The following SLC38A9 variants were observed in gnomAD, a reference collection of about 807,000 sequenced individuals.
SLC38A9 encodes the protein neutral amino acid transporter 9.
Under a neutral mutation model 62.3 loss-of-function variants are expected in SLC38A9, and 48 were observed. The observed-to-expected ratio is 0.77, with a 90% confidence interval of 0.61 to 0.98. The LOEUF is 0.98. SLC38A9 is among the 50% of genes least tolerant of loss of function. The probability of loss-of-function intolerance (pLI) is 0.00; values close to 1 mark genes in which losing one functional copy is unlikely to be tolerated. For synonymous variants in SLC38A9, 204 were observed against 227.7 expected, an observed-to-expected ratio of 0.90 and a Z score of 0.94; for missense variants, 541 against 679.8, an observed-to-expected ratio of 0.80 and a Z score of 2.27.
chr5:55,651,248 C>CTT (rs1157691760), intron 10 of SLC38A9, among the ~76,000 whole-genome samples: 1,291 of 117,590 alleles, frequency 0.011, 34 homozygotes, highest in African/African-American at 0.036. Flanking sequence ...CTTTTGCCAT[C>CTT]TTTTTTTTTT....
intron 2 of SLC38A9, among the ~76,000 whole-genome samples, chr5:55,706,621 A>T (rs774963868): frequency 1.3e-5 from 2 of 152,212 alleles, no homozygotes; most frequent in Non-Finnish European, 2.9e-5. Flanking sequence ...ATAAGTAGAA[A>T]ACTGATGATT....
intron 3 of SLC38A9, among the ~76,000 whole-genome samples, chr5:55,676,357 T>C (rs13165503): frequency 0.6 from 90,556 of 151,468 alleles, 27,626 homozygotes; most frequent in South Asian, 0.7. Context: ...AAAAAATTTT[T>C]TTATAGAGAC....
intron 8 of SLC38A9, among the ~76,000 whole-genome samples, chr5:55,658,675 T>C (rs552937887): frequency 6.6e-6 from 1 of 152,294 alleles, no homozygotes; most frequent in East Asian, 1.9e-4. Flanking sequence ...CTAGTCTCCA[T>C]AGTTATGAAA....
chr5:55,645,060 T>G (rs1396195703), intron 12 of SLC38A9, among the ~76,000 whole-genome samples: 5 of 152,194 alleles, frequency 3.3e-5, no homozygotes, highest in Non-Finnish European at 5.9e-5. Context: ...TCATTTTTTA[T>G]CAGCCGCATT....
In SLC38A9 at chr5:55,664,828, C is replaced by T; in HGVS notation, c.562G>A (p.Val188Ile). The T allele has an allele frequency of 6.4e-7, 1 of 1,563,844 alleles. No individual in the cohort carries two copies. The highest frequency in any genetic ancestry group is 8.6e-7 in the Non-Finnish European group (1 of 1,159,560). ...LDTTSWEYPD[V>I]CRHYFGSFGQ... ...AAGGAGCCGAAATAATGTCTGCAGACATCTGGATATTCCCAGCTAGTGGTA... is the reference window on the plus strand; with the variant it reads ...AAGGAGCCGAAATAATGTCTGCAGATATCTGGATATTCCCAGCTAGTGGTA... Residue 188 changes from valine (V) to isoleucine (I), a missense_variant, in exon 8 of 16, where the codon GTC (valine) becomes ATC (isoleucine). Physicochemically the swap from Val to Ile is conservative, Grantham distance 29 (BLOSUM62 3). Coordinates refer to ENST00000396865, the MANE Select transcript of SLC38A9 (RefSeq NM_173514.4).
intron 9 of SLC38A9, among the ~76,000 whole-genome samples, chr5:55,654,915 G>A (rs1748130967): frequency 6.6e-6 from 1 of 152,000 alleles, no homozygotes; most frequent in Non-Finnish European, 1.5e-5. Context: ...ATGGCTCACT[G>A]TAGCCTCAAC....
intron 1 of SLC38A9, 141 bp downstream of exon 1, chr5:55,712,076 A>C (rs560369135): frequency 3.9e-5 from 6 of 152,332 alleles, no homozygotes; most frequent in African/African-American, 1.4e-4. Context: ...CCAAAAGAAG[A>C]GACGGTTCCG....
At chr5:55,697,401 T>C (rs1756036337) in intron 3 of SLC38A9, among the ~76,000 whole-genome samples, 1 of 152,206 alleles carries the variant, frequency 6.6e-6, no homozygotes, top group South Asian at 2.1e-4. Context: ...AATTTTTTTG[T>C]GGATTCTTTT....
At chr5:55,635,862 T>A (rs73119750) in intron 12 of SLC38A9, among the ~76,000 whole-genome samples, 7,483 of 152,202 alleles carry the variant, frequency 0.049, 318 homozygotes, top group African/African-American at 0.11. Context: ...CAATTTTTTT[T>A]AAAAAAGTAC....
intron 12 of SLC38A9, among the ~76,000 whole-genome samples, chr5:55,643,247 A>G (rs1745728451): frequency 6.6e-6 from 1 of 152,176 alleles, no homozygotes; most frequent in African/African-American, 2.4e-5. Flanking sequence ...CTTTAAGTAA[A>G]CTCAAAGTAG....
At chr5:55,690,226 A>G (rs367828850) in intron 3 of SLC38A9, among the ~76,000 whole-genome samples, 22 of 152,246 alleles carry the variant, frequency 1.4e-4, no homozygotes, top group African/African-American at 5.1e-4. Flanking sequence ...TCCCGGCCTC[A>G]AGCAATACAC....
chr5:55,633,924 G>A, intron 13 of SLC38A9, 22 bp from the exon 14 acceptor site: 1 of 1,565,072 alleles, frequency 6.4e-7, no homozygotes, highest in Non-Finnish European at 8.7e-7. Flanking sequence ...AAGATAATGA[G>A]GTCATGTTAA....
chr5:55,645,969 A>G (rs1254697110), intron 11 of SLC38A9, 74 bp from the exon 12 acceptor site: 1 of 911,458 alleles, frequency 1.1e-6, no homozygotes, highest in Non-Finnish European at 1.7e-6. Context: ...AAAGTTGACT[A>G]CTAAAAATCA....
At chr5:55,639,666 T>C (rs73123895) in intron 12 of SLC38A9, among the ~76,000 whole-genome samples, 1 of 152,088 alleles carries the variant, frequency 6.6e-6, no homozygotes, top group African/African-American at 2.4e-5. Context: ...GAAACTTGCT[T>C]AAAGGTATAA....
At chr5:55,678,474 A>G (rs940579602) in intron 3 of SLC38A9, among the ~76,000 whole-genome samples, 4 of 151,798 alleles carry the variant, frequency 2.6e-5, no homozygotes, top group African/African-American at 9.7e-5. Flanking sequence ...TATTAAATCA[A>G]TGAAAACACT....
chr5:55,669,973 T>G lies in SLC38A9; in HGVS notation c.247-94A>C, dbSNP rs974965684. The G allele has an allele frequency of 8.9e-6, 11 of 1,234,038 alleles. 1 individual carries two copies. In the South Asian group the frequency reaches 1.2e-4, roughly 14 times the overall value. 76.4% of individuals were successfully genotyped at this position (1,234,038 alleles called of 1,614,324 possible). ...AGAACACCTGACTCTAGACACCTTTTTTTTTCTTTTGAACGGAGTCTCGCC... is the reference window on the plus strand; with the variant it reads ...AGAACACCTGACTCTAGACACCTTTGTTTTTCTTTTGAACGGAGTCTCGCC... On this transcript the variant is annotated intron_variant, in intron 4 of 15. Transcript: ENST00000396865.
At chr5:55,666,124 CAT>C (rs959603207) in intron 7 of SLC38A9, among the ~76,000 whole-genome samples, 15 of 151,948 alleles carry the variant, frequency 9.9e-5, no homozygotes, top group African/African-American at 3.6e-4. Context: ...AGAAACATAA[CAT>C]GTACTAAAAA....
At chr5:55,668,444 G>A (rs973258345) in intron 7 of SLC38A9, among the ~76,000 whole-genome samples, 4 of 152,042 alleles carry the variant, frequency 2.6e-5, no homozygotes, top group African/African-American at 9.7e-5. Flanking sequence ...CAGTGCCAAG[G>A]CTGGCCCCAA....
At chr5:55,658,896 T>A (rs1479876950) in intron 8 of SLC38A9, among the ~76,000 whole-genome samples, 1 of 152,182 alleles carries the variant, frequency 6.6e-6, no homozygotes, top group Non-Finnish European at 1.5e-5. Context: ...AAATATGTCA[T>A]GACTAATGAA....
Sources: allele counts gnomAD v4.1 joint callset (sites outside exome capture counted in the v4.1 genomes callset), GRCh38; gene constraint gnomAD v4.1.1; transcripts MANE v1.5; gene names NCBI Gene and HGNC (gene_info 2026-07-23, HGNC 2026-07-21).